The following FAM193B variants were observed in gnomAD, a reference collection of about 807,000 sequenced individuals.
FAM193B encodes family with sequence similarity 193 member B.
A neutral mutation model predicts 70.7 loss-of-function variants in FAM193B; 27 were observed. The ratio of observed to expected loss-of-function variants is 0.38; its 90% CI spans 0.28 to 0.53. The LOEUF (loss-of-function observed/expected upper bound fraction) is 0.53, where lower values mean the gene tolerates loss of function less well. Ranked by LOEUF, FAM193B falls within the 20% of genes least tolerant of loss-of-function variation. The pLI, the probability that FAM193B is intolerant of heterozygous loss-of-function variation, is 0.81. For synonymous variants in FAM193B, 448 were observed against 436.0 expected, an observed-to-expected ratio of 1.03 and a Z score of -0.34; for missense variants, 1,022 against 1,072.5, an observed-to-expected ratio of 0.95 and a Z score of 0.66.
intron 1 of FAM193B, among the ~76,000 whole-genome samples, chr5:177,548,720 G>C (rs1017639046): frequency 1.3e-5 from 2 of 152,216 alleles, no homozygotes; most frequent in African/African-American, 4.8e-5. Flanking sequence ...CAAGGGAGAG[G>C]TGGAATCAAG....
intron 1 of FAM193B, among the ~76,000 whole-genome samples, chr5:177,544,533 C>T (rs890981062): frequency 1.3e-5 from 2 of 152,174 alleles, no homozygotes; most frequent in African/African-American, 4.8e-5. Context: ...AAACAACTGA[C>T]AGTATTTGTG....
At chr5:177,546,748 T>C (rs1287663976) in intron 1 of FAM193B, among the ~76,000 whole-genome samples, 2 of 152,214 alleles carry the variant, frequency 1.3e-5, no homozygotes, top group African/African-American at 4.8e-5. Flanking sequence ...ACGAGACTAG[T>C]CAGTGGAGAA....
At chr5:177,547,785 T>C (rs1765642488) in intron 1 of FAM193B, among the ~76,000 whole-genome samples, 1 of 152,182 alleles carries the variant, frequency 6.6e-6, no homozygotes. Context: ...CTACCACTTG[T>C]GCTAAGCATC....
intron 1 of FAM193B, among the ~76,000 whole-genome samples, chr5:177,550,448 T>A (rs1264472425): frequency 6.6e-6 from 1 of 152,236 alleles, no homozygotes; most frequent in Non-Finnish European, 1.5e-5. Context: ...AATGAGATGC[T>A]TTTATTAAAG....
chr5:177,522,217 C>T, intron 7 of FAM193B, 146 bp from the exon 8 acceptor site: 1 of 632,238 alleles, frequency 1.6e-6, no homozygotes, highest in Non-Finnish European at 2.8e-6. Flanking sequence ...GTTTAGCAGG[C>T]ATAGGAGCTT....
chr5:177,544,149 GGA>G (rs1197124495), intron 1 of FAM193B, among the ~76,000 whole-genome samples: 2 of 152,218 alleles, frequency 1.3e-5, no homozygotes, highest in East Asian at 1.9e-4. Context: ...CAGAATCTCT[GGA>G]GAGTGTGAGA....
intron 1 of FAM193B, 164 bp downstream of exon 1, chr5:177,554,085 C>G: frequency 7.2e-7 from 1 of 1,384,004 alleles, no homozygotes; most frequent in Non-Finnish European, 9.4e-7. Context: ...AGGGGTCCAG[C>G]CTCCATTCCC....
chr5:177,540,474 CT>C (rs1446502141), intron 1 of FAM193B, among the ~76,000 whole-genome samples: 1 of 152,156 alleles, frequency 6.6e-6, no homozygotes, highest in African/African-American at 2.4e-5. Context: ...GACTATGTCA[CT>C]TTGGCCAATG....
At position 177,522,966 on chromosome 5, in the gene FAM193B, C is replaced by T. The variant is rs1761995855; in HGVS notation, c.2373-895G>A. On this transcript the variant is annotated intron_variant, in intron 7 of 8. Transcript: ENST00000514747. ...CTGACCTCAAGTACCTCAAGTGATCCGCCTGCCTTGGCCTCCCAAAGTGCT... is the reference window on the plus strand; with the variant it reads ...CTGACCTCAAGTACCTCAAGTGATCTGCCTGCCTTGGCCTCCCAAAGTGCT... 3 of 159,130 alleles carry T rather than the reference C, an allele frequency of 1.9e-5. No homozygotes were observed. The South Asian group carries it at 4.4e-4, about 23-fold the overall frequency. The allele number at this position is 159,130 out of a possible 1,614,324, so 9.9% of individuals were successfully genotyped here. A position where few individuals can be genotyped will look rare whatever the true frequency, so the allele number is the denominator to read the frequency against.
chr5:177,536,444 G>A lies in FAM193B; in HGVS notation c.990C>T (p.Ser330=). ...CACCACAGTGCCCGCTGCAGGGGTG[G>A]CTGCACCCCGAGAATGGTGGGGGCA... ...LKMPPPFSGC[S]HPCSGHCGGH... Residue 330 remains serine (S), a synonymous_variant, in exon 4 of 9, where the codon AGC becomes AGT. Coordinates refer to ENST00000514747, the MANE Select transcript of FAM193B (RefSeq NM_001190946.3). 6.3e-7 allele frequency: 1 copy of A among 1,590,466 alleles called. No individual in the cohort carries two copies.
Position 177,554,441 on chromosome 5 carries a change from G to C in FAM193B, c.18C>G (p.Ser6Arg). 1 of 1,058,292 alleles carries C rather than the reference G, an allele frequency of 9.4e-7. No individual in the cohort carries two copies. The highest frequency in any genetic ancestry group is 1.1e-6 in the Non-Finnish European group (1 of 881,136). 65.6% of individuals were successfully genotyped at this position (1,058,292 alleles called of 1,614,324 possible). Residue 6 changes from serine (S) to arginine (R), a missense_variant, in exon 1 of 9, where the codon AGC becomes AGG. Coordinates refer to ENST00000514747, the MANE Select transcript of FAM193B (RefSeq NM_001190946.3). MTRRR[S>R]RPSGGAGRRE... ...GCCTGCCCGCACCGCCGCTCGGCCT[G>C]CTCCGCCTCCGCGTCATGCCGCCGC...
In FAM193B at chr5:177,535,357, G is replaced by A. The variant is rs956522394; in HGVS notation, c.1076+1001C>T. Among the ~76,000 whole-genome samples, 4 of 152,190 alleles carry A rather than the reference G, an allele frequency of 2.6e-5. No individual in the cohort carries two copies. In the East Asian group the frequency reaches 5.8e-4, roughly 22 times the overall value. On this transcript the variant is annotated intron_variant, in intron 4 of 8. Transcript: ENST00000514747. ...GGCAGACTGCAGACACTGTCAACCC[G>A]GCATGTGCCAGACACAGGAGACTTT...
rs1291287661 is a variant in FAM193B at position 177,532,800 on chromosome 5, G to A, written c.1077-159C>T. ...ATTGCACCTCTCACCTGAACAGGGC[G>A]AACACCTGCACTGTCCCTCAAGGCC... On this transcript the variant is annotated intron_variant, in intron 4 of 8. Transcript: ENST00000514747. The surrounding 1 kb of genome is among the most constrained non-coding windows in gnomAD (Gnocchi z 4.9). Among the ~76,000 whole-genome samples, 3 of 152,178 alleles carry A rather than the reference G, an allele frequency of 2.0e-5. No homozygotes were observed. The highest frequency in any genetic ancestry group is 1.9e-4 in the East Asian group (1 of 5,196).
intron 1 of FAM193B, among the ~76,000 whole-genome samples, chr5:177,543,296 T>G (rs1188318279): frequency 6.6e-6 from 1 of 152,206 alleles, no homozygotes. Flanking sequence ...AACTGAGTGA[T>G]GATACCACCC....
chr5:177,523,105 T>G (rs757630588), intron 7 of FAM193B: 52 of 217,708 alleles, frequency 2.4e-4, no homozygotes, highest in Non-Finnish European at 4.5e-4. Flanking sequence ...GTTCCAGCGA[T>G]TCTCCTGCCT....
rs73804370 is a variant in FAM193B at position 177,534,192 on chromosome 5, C to T, written c.1077-1551G>A. Among the ~76,000 whole-genome samples the T allele has an allele frequency of 8.2e-3, 1,247 of 151,990 alleles. 23 individuals carry two copies. Among genetic ancestry groups the T allele is most frequent in the African/African-American group, 0.029 (1,192 of 41,442 alleles). On this transcript the variant is annotated intron_variant, in intron 4 of 8. Transcript: ENST00000514747. ...GCTAGAAAGGATGCTAAGCATGTGA[C>T]GTGGATTAAAAAAGATGGTGGCAGG...
chr5:177,525,748 T>C (rs1265137792), intron 5 of FAM193B, among the ~76,000 whole-genome samples: 1 of 152,236 alleles, frequency 6.6e-6, no homozygotes, highest in Non-Finnish European at 1.5e-5. Flanking sequence ...AGGTCACACC[T>C]AGAGTGTGCC....
chr5:177,547,640 T>A (rs1236789243), intron 1 of FAM193B, among the ~76,000 whole-genome samples: 1 of 152,184 alleles, frequency 6.6e-6, no homozygotes, highest in Admixed American at 6.5e-5. Context: ...CTTCAAGGCC[T>A]CTTTGAACCC....
chr5:177,523,421 T>C (rs1038769463), intron 7 of FAM193B: 12 of 221,454 alleles, frequency 5.4e-5, no homozygotes, highest in East Asian at 1.3e-4. Context: ...GCCGTGTTTC[T>C]TTCACCCTAA....
Sources: gnomAD v4.1 joint callset for allele counts (sites outside exome capture counted in the v4.1 genomes callset) on GRCh38, gnomAD v4.1.1 for gene constraint, Gnocchi (gnomAD v3.1) non-coding constraint, MANE v1.5 for transcripts, NCBI Gene and HGNC (gene_info 2026-07-23, HGNC 2026-07-21) for gene names.